Variants in AVEN observed in about 807,000 individuals in gnomAD.
The protein encoded by AVEN is cell death regulator Aven.
In AVEN, 41 loss-of-function variants were observed where a neutral mutation model predicts 38.1. The observed-to-expected ratio is 1.08, with a 90% CI of 0.84 to 1.40. The LOEUF is 1.40. Ranked by LOEUF, AVEN falls within the 40% of genes most tolerant of loss-of-function variation. The pLI is 0.00. For missense variants in AVEN, 605 were observed against 438.8 expected (o/e 1.38, Z -3.38); for synonymous variants, 206 against 171.8 (o/e 1.20, Z -1.56).
intron 2 of AVEN, among the ~76,000 whole-genome samples, chr15:33,940,038 C>T (rs1233296493): frequency 6.6e-6 from 1 of 152,210 alleles, no homozygotes; most frequent in Non-Finnish European, 1.5e-5. Flanking sequence ...AAAAGATACT[C>T]TCGAGGAACC....
downstream of AVEN, chr15:33,865,064 AAAAC>A (rs530303524): frequency 3.0e-4 from 395 of 1,319,998 alleles, no homozygotes; most frequent in Middle Eastern, 2.3e-3. Context: ...ACAAAGAACA[AAAAC>A]AAACTGGGTT....
chr15:33,894,952 T>C (rs1485217678), intron 2 of AVEN, among the ~76,000 whole-genome samples: 1 of 151,882 alleles, frequency 6.6e-6, no homozygotes. Flanking sequence ...ATCTATGTGA[T>C]TAAAAGGTGC....
At chr15:33,852,783 T>A in the AVEN span, 1 of 384,782 alleles carries the variant, frequency 2.6e-6, no homozygotes, top group Non-Finnish European at 4.8e-6. Context: ...ATCACAATTC[T>A]TGGCTCCAAA....
chr15:33,864,173 CAG>C (rs1353688383), downstream of AVEN: 2 of 1,611,890 alleles, frequency 1.2e-6, no homozygotes, highest in Non-Finnish European at 1.7e-6. Context: ...AAAGATGAAA[CAG>C]AGCACACGGG....
In AVEN at chr15:34,073,989, C is replaced by CTT. The variant is rs5811818; in HGVS notation, n.720+445_720+446dup. ...AGGAACTTTCTTTTTTCTTCTTCTTCTTTTTTTTTTTTTTTTTTTTTTTTT... is the reference window on the plus strand; with the variant it reads ...AGGAACTTTCTTTTTTCTTCTTCTTCTTTTTTTTTTTTTTTTTTTTTTTTTTT... On this transcript the variant is annotated intron_variant and non_coding_transcript_variant, in intron 1 of 11. Coordinates refer to the AVEN transcript ENST00000675287. Among the ~76,000 whole-genome samples the CTT allele has an allele frequency of 4.4e-3, 139 of 31,496 alleles. 20 individuals are homozygous for CTT. The highest frequency in any genetic ancestry group is 8.1e-3 in the African/African-American group (123 of 15,220). The allele number at this position is 31,496 out of a possible 152,430, so 20.7% of individuals were successfully genotyped here.
chr15:33,855,006 A>G, downstream of AVEN: 1 of 1,243,660 alleles, frequency 8.0e-7, no homozygotes, highest in Non-Finnish European at 1.1e-6. Flanking sequence ...AGGAAGGAAT[A>G]TGTCTTGGTA....
intron 5 of AVEN, among the ~76,000 whole-genome samples, chr15:34,061,300 A>G (rs1900328745): frequency 6.6e-6 from 1 of 152,184 alleles, no homozygotes; most frequent in Non-Finnish European, 1.5e-5. Flanking sequence ...TAGTTTTGAA[A>G]GTTAAAATTT....
At chr15:33,949,352 G>A (rs982722010) in intron 2 of AVEN, among the ~76,000 whole-genome samples, 1 of 152,030 alleles carries the variant, frequency 6.6e-6, no homozygotes, top group Non-Finnish European at 1.5e-5. Flanking sequence ...CACAGTAGGG[G>A]GTCTATAGTT....
Position 33,874,065 on chromosome 15 carries a change from T to G in AVEN, c.516+1860A>C, listed in dbSNP as rs138840997. Among the ~76,000 whole-genome samples the G allele has an allele frequency of 4.6e-5, 7 of 152,286 alleles. No homozygotes were observed. The East Asian group carries it at 1.3e-3, about 29-fold the overall frequency. On this transcript the variant is annotated intron_variant, in intron 3 of 5. Coordinates refer to ENST00000306730, the MANE Select transcript of AVEN (RefSeq NM_020371.3). ...CCCTCCCCATCCTTCCCAATACTGC[T>G]GAAGTTAGATCTAACCATTTCCATG...
At chr15:33,864,721 A>G, downstream of AVEN, 1 of 184,900 alleles carries the variant, frequency 5.4e-6, no homozygotes, top group Non-Finnish European at 1.1e-5. Flanking sequence ...CTTTGTAGGA[A>G]AACTTTACAG....
At chr15:33,873,105 T>C (rs888534680) in intron 3 of AVEN, among the ~76,000 whole-genome samples, 6 of 140,116 alleles carry the variant, frequency 4.3e-5, no homozygotes, top group African/African-American at 1.1e-4. Context: ...TTTTTTTTTT[T>C]TTTTTTTTTT....
chr15:34,038,792 C>T lies in AVEN; in HGVS notation c.255G>A (p.Gly85=), dbSNP rs1204665183. ...CGTCGCCTCTTACCGGCGCGCTGGC[C>T]CCTGCGCCCCAGCCTCCCGGCTCCC... ...SRREPGGWGA[G]ASAPVEDDSD... is the part of the protein sequence containing the mutation. Residue 85 remains glycine (G), a synonymous_variant, in exon 1 of 6, where the codon GGG becomes GGA. Transcript: ENST00000306730. 7 of 1,189,782 alleles carry T rather than the reference C, an allele frequency of 5.9e-6. No homozygotes were observed. The highest frequency in any genetic ancestry group is 6.2e-6 in the Non-Finnish European group (6 of 960,420). 73.7% of individuals were successfully genotyped at this position (1,189,782 alleles called of 1,614,324 possible).
intron 2 of AVEN, among the ~76,000 whole-genome samples, chr15:33,956,146 T>C (rs1249919449): frequency 1.3e-5 from 2 of 152,190 alleles, no homozygotes; most frequent in South Asian, 2.1e-4. Context: ...TGTAGCTATC[T>C]AGTTTCCCTG....
downstream of AVEN, chr15:33,855,037 C>A: frequency 2.1e-6 from 2 of 973,982 alleles, no homozygotes; most frequent in Non-Finnish European, 2.8e-6. Context: ...TTTTCTTGGC[C>A]AAACACTTCA....
chr15:33,874,157 A>G (rs926077311), intron 3 of AVEN, among the ~76,000 whole-genome samples: 12 of 152,178 alleles, frequency 7.9e-5, no homozygotes, highest in African/African-American at 2.9e-4. Context: ...TGAGTGTTTC[A>G]TATGCATCAG....
intron 1 of AVEN, among the ~76,000 whole-genome samples, chr15:34,038,004 G>GT (rs948656859): frequency 6.6e-6 from 1 of 152,130 alleles, no homozygotes; most frequent in African/African-American, 2.4e-5. Flanking sequence ...CTGAGATATG[G>GT]TTAGCTTTGC....
chr15:33,856,722 G>C (rs8033319), downstream of AVEN: 1,621 of 153,148 alleles, frequency 0.011, 38 homozygotes, highest in African/African-American at 0.036. Flanking sequence ...GCAGTGGCGC[G>C]ATCTCAGCTT....
downstream of AVEN, chr15:33,864,228 C>G (rs1248828963): frequency 2.6e-6 from 4 of 1,527,882 alleles, no homozygotes; most frequent in Non-Finnish European, 3.6e-6. Context: ...TTAGATCTCC[C>G]TTTCCTAAAT....
downstream of AVEN, among the ~76,000 whole-genome samples, chr15:33,864,555 G>A (rs1347905562): frequency 6.6e-6 from 1 of 151,138 alleles, no homozygotes; most frequent in Non-Finnish European, 1.5e-5. Context: ...GAAAGATAAC[G>A]ACCTCATGTG....
Sources: gnomAD v4.1 joint callset for allele counts (sites outside exome capture counted in the v4.1 genomes callset) on GRCh38, gnomAD v4.1.1 for gene constraint, MANE v1.5 for transcripts, NCBI Gene and HGNC (gene_info 2026-07-23, HGNC 2026-07-21) for gene names.